GATA2: variants seen among roughly 807,000 people sequenced by gnomAD.
GATA2 encodes the protein endothelial transcription factor GATA-2.
A neutral mutation model predicts 35.7 loss-of-function variants in GATA2; 6 were observed. The ratio of observed to expected loss-of-function variants is 0.17; its 90% CI spans 0.09 to 0.33. The LOEUF is 0.33. Among genes scored for constraint, GATA2 ranks in the 10% least tolerant of loss-of-function variants. The pLI, the probability that GATA2 is intolerant of heterozygous loss-of-function variation, is 1.00. For missense variants in GATA2, 541 were observed against 656.6 expected (o/e 0.82, Z 1.92); for synonymous variants, 313 against 274.9 (o/e 1.14, Z -1.37).
rs760660470 is a variant in GATA2, at chr3:128,486,287, G to A, written c.311C>T (p.Ala104Val). The A allele has an allele frequency of 5.1e-6, 8 of 1,583,936 alleles. No homozygotes were observed. In the South Asian group the frequency reaches 9.2e-5, roughly 18 times the overall value. ...GLPWLDGGKA[A>V]LSAAAAHHHN... ...GTGGTGGGCCGCAGCGGCAGAGAGG[G>A]CTGCTTTGCCCCCGTCCAGCCAGGG... Residue 104 changes from alanine to valine, a missense_variant, in exon 3 of 6, where the codon GCC (alanine) becomes GTC (valine). By Grantham distance (64) the Ala-to-Val change is moderately conservative (BLOSUM62 0). Transcript: ENST00000341105.
rs574683945 is a variant in GATA2 at position 128,480,726 on chromosome 3, C to T, written c.*293G>A. 5.2e-5 allele frequency: 21 copies of T among 405,318 alleles called. No homozygotes were observed. The South Asian group carries it at 1.7e-3, about 33-fold the overall frequency. 25.1% of individuals were successfully genotyped at this position (405,318 alleles called of 1,614,324 possible). A position where few individuals can be genotyped will look rare whatever the true frequency, so the allele number is the denominator to read the frequency against. ...CCTTTTTCCTTCTAAAAATGGTTGC[C>T]TTCGTCTGTCCCGTCCCCTCCTTTT... On this transcript the variant is annotated 3_prime_UTR_variant, in exon 6 of 6. Transcript: ENST00000341105.
In GATA2 at chr3:128,486,074, G is replaced by A. The variant is rs755939655; in HGVS notation, c.524C>T (p.Pro175Leu). 1 of 1,614,082 alleles carries A rather than the reference G, an allele frequency of 6.2e-7. No individual in the cohort carries two copies. The highest frequency in any genetic ancestry group is 8.5e-7 in the Non-Finnish European group (1 of 1,180,006). ...AGGAGACACTTCTTTGGGTGGCGTG[G>A]GTGGGAAGCCGAAAAGGTGGGAGCC... The part of the protein sequence containing the change: ...HSGSHLFGFP[P>L]TPPKEVSPDP... Residue 175 changes from proline to leucine, a missense_variant, in exon 3 of 6, where the codon CCC becomes CTC. Around this residue, in one of 5 missense-constraint regions of GATA2, gnomAD observed 389 missense variants for 396.9 expected, o/e 0.98. Transcript: ENST00000341105.
At chr3:128,482,377 C>T (rs1266434089) in intron 4 of GATA2, among the ~76,000 whole-genome samples, 1 of 152,188 alleles carries the variant, frequency 6.6e-6, no homozygotes, top group Non-Finnish European at 1.5e-5. Flanking sequence ...GCTCAAAATC[C>T]ATAATCCTGG....
chr3:128,481,712 C>CCCAAG (rs2068630897), intron 5 of GATA2, 107 bp downstream of exon 5: 9 of 1,403,378 alleles, frequency 6.4e-6, no homozygotes, highest in Non-Finnish European at 8.7e-6. Context: ...GCAGCAGCTT[C>CCCAAG]CCAAGCCAAG....
intron 1 of GATA2, chr3:128,489,895 C>G (rs2068751679): frequency 1.3e-5 from 2 of 152,272 alleles, no homozygotes; most frequent in Admixed American, 1.3e-4. Context: ...GATAATCCCC[C>G]GTGTCCGGCA....
At chr3:128,482,653 C>T (rs2107669405) in intron 4 of GATA2, among the ~76,000 whole-genome samples, 1 of 152,232 alleles carries the variant, frequency 6.6e-6, no homozygotes, top group African/African-American at 2.4e-5. Context: ...CCCATCCAGC[C>T]CCCCATACCC....
At chr3:128,484,290 G>T (rs1055038868) in intron 3 of GATA2, among the ~76,000 whole-genome samples, 2 of 152,202 alleles carry the variant, frequency 1.3e-5, no homozygotes, top group Non-Finnish European at 2.9e-5. Flanking sequence ...GGCCCCAGGC[G>T]TTCTGGAGCA....
chr3:128,491,217 C>G lies in GATA2; in HGVS notation c.-46+1682G>C, dbSNP rs1344055408. 1.3e-4 allele frequency among the ~76,000 whole-genome samples: 16 copies of G among 121,826 alleles called. 1 individual carries two copies. The highest frequency in any genetic ancestry group is 8.1e-4 in the South Asian group (3 of 3,694). The allele number at this position is 121,826 out of a possible 152,430, so 79.9% of individuals were successfully genotyped here. On this transcript the variant is annotated intron_variant, in intron 1 of 5. Coordinates refer to ENST00000341105, the MANE Select transcript of GATA2 (RefSeq NM_032638.5). ...TCTCCCCGGCCGTCCAGCCCCCCCC[C>G]CCCTCTGAGCCCTTTGTTTAAAGTT...
chr3:128,480,960 T>G lies in GATA2; in HGVS notation c.*59A>C. 2.0e-6 allele frequency: 3 copies of G among 1,466,136 alleles called. No homozygotes were observed. Among genetic ancestry groups the G allele is most frequent in the Non-Finnish European group, 2.7e-6 (3 of 1,102,966 alleles). The allele number at this position is 1,466,136 out of a possible 1,614,324, so 90.8% of individuals were successfully genotyped here. A position where few individuals can be genotyped will look rare whatever the true frequency, so the allele number is the denominator to read the frequency against. On this transcript the variant is annotated 3_prime_UTR_variant, in exon 6 of 6. Transcript: ENST00000341105. ...TGTCGGCCTTCGGGAAATGCTGGGC[T>G]GCTAAGGGTTTGGTCCACCCATCCC...
chr3:128,491,082 T>C (rs1435890548), intron 1 of GATA2, among the ~76,000 whole-genome samples: 1 of 151,986 alleles, frequency 6.6e-6, no homozygotes, highest in African/African-American at 2.4e-5. Context: ...TTGACCTGGG[T>C]GCTTCTGCCT....
rs1194339909 is a variant in GATA2 at position 128,486,184 on chromosome 3, G to C, written c.414C>G (p.Leu138=). 9 of 1,564,288 alleles carry C rather than the reference G, an allele frequency of 5.8e-6. No homozygotes were observed. The highest frequency in any genetic ancestry group is 7.8e-6 in the Non-Finnish European group (9 of 1,154,670). ...CACCCCCAGCCCCTGGGTACACAGA[G>C]AGTGGGCCTCCAGGGCCTCCAGCAG... ...PSAAGGPGGP[L]SVYPGAGGGS... is the part of the protein sequence containing the mutation. The change falls in exon 3 of 6, where the codon CTC becomes CTG. Residue 138 remains leucine (L), a synonymous_variant. Coordinates refer to ENST00000341105, the MANE Select transcript of GATA2 (RefSeq NM_032638.5).
rs553530287 is a variant in GATA2 at position 128,492,698 on chromosome 3, G to A, written c.-46+201C>T. Among the ~76,000 whole-genome samples, 350 of 152,340 alleles carry A rather than the reference G, an allele frequency of 2.3e-3. 3 individuals are homozygous for A. Among genetic ancestry groups the A allele is most frequent in the African/African-American group, 8.1e-3 (337 of 41,580 alleles). On this transcript the variant is annotated intron_variant, in intron 1 of 5. Coordinates refer to ENST00000341105, the MANE Select transcript of GATA2 (RefSeq NM_032638.5). ...AATGGGAAGACAAGAGGCCCGAGGC[G>A]GGCCTGCTGTGCCCAGGTAACCAAA...
intron 3 of GATA2, among the ~76,000 whole-genome samples, chr3:128,484,512 A>G (rs949966919): frequency 1.1e-4 from 16 of 151,974 alleles, no homozygotes; most frequent in Non-Finnish European, 1.3e-4. Flanking sequence ...CTTTCTCCCC[A>G]ACTTTTCTCC....
intron 5 of GATA2, 85 bp downstream of exon 5, chr3:128,481,734 A>G: frequency 1.3e-6 from 2 of 1,507,632 alleles, no homozygotes; most frequent in South Asian, 2.4e-5. Flanking sequence ...CAAGCTGGAT[A>G]TTGTGGCTGG....
rs2107672390 is a variant in GATA2 at position 128,486,050 on chromosome 3, G to A, written c.548C>T (p.Pro183Leu). ...FPPTPPKEVS[P>L]DPSTTGAASP... is the part of the protein sequence containing the mutation. The stretch of plus-strand genomic sequence containing the variant: ...CGCAGCCCCCGTGGTGCTAGGGTCA[G>A]GAGACACTTCTTTGGGTGGCGTGGG... The change falls in exon 3 of 6, where the codon CCT (proline) becomes CTT (leucine). Residue 183 changes from proline (P) to leucine (L), a missense_variant. Around this residue, in one of 5 missense-constraint regions of GATA2, gnomAD observed 389 missense variants for 396.9 expected, o/e 0.98. Transcript: ENST00000341105. 1 of 1,614,136 alleles carries A rather than the reference G, an allele frequency of 6.2e-7. No homozygotes were observed. The highest frequency in any genetic ancestry group is 1.1e-5 in the South Asian group (1 of 91,078).
intron 3 of GATA2, 34 bp downstream of exon 3, chr3:128,485,693 C>A: frequency 6.2e-7 from 1 of 1,608,340 alleles, no homozygotes; most frequent in South Asian, 1.1e-5. Flanking sequence ...CAAATGCTCC[C>A]CTCTTCCACG....
intron 1 of GATA2, among the ~76,000 whole-genome samples, chr3:128,490,906 G>T (rs1048897736): frequency 1.3e-5 from 2 of 152,198 alleles, no homozygotes; most frequent in Admixed American, 1.3e-4. Context: ...TTGTTCGTTC[G>T]GGAGTATAGT....
At chr3:128,484,143 G>T in intron 3 of GATA2, 138 bp from the exon 4 acceptor site, 1 of 1,084,490 alleles carries the variant, frequency 9.2e-7, no homozygotes, top group Non-Finnish European at 1.3e-6. Context: ...GGCTGCAACA[G>T]CCTGGGCAGG....
chr3:128,491,594 C>G (rs1223662826), intron 1 of GATA2, among the ~76,000 whole-genome samples: 2 of 152,204 alleles, frequency 1.3e-5, no homozygotes, highest in Non-Finnish European at 2.9e-5. Context: ...AACGGCCCCT[C>G]CTGCTCCTTG....
Sources: allele counts gnomAD v4.1 joint callset (sites outside exome capture counted in the v4.1 genomes callset), GRCh38; gene constraint gnomAD v4.1.1; regional missense constraint gnomAD v4.1.1; transcripts MANE v1.5; gene names NCBI Gene and HGNC (gene_info 2026-07-23, HGNC 2026-07-21).